SLC14A2: variants seen among roughly 807,000 people sequenced by gnomAD.
SLC14A2 encodes the protein urea transporter 2.
In SLC14A2, 91 loss-of-function variants were observed where a neutral mutation model predicts 104.6. The ratio of observed to expected loss-of-function variants is 0.87; its 90% CI spans 0.73 to 1.04. SLC14A2 has a LOEUF of 1.04. SLC14A2 is among the 50% of genes least tolerant of loss of function. The probability of loss-of-function intolerance (pLI) is 0.00; values close to 1 mark genes in which losing one functional copy is unlikely to be tolerated. For synonymous variants in SLC14A2, 476 were observed against 466.4 expected, an observed-to-expected ratio of 1.02 and a Z score of -0.27; for missense variants, 1,189 against 1,156.0, an observed-to-expected ratio of 1.03 and a Z score of -0.41.
At chr18:45,171,116 C>T in the SLC14A2 span, among the ~76,000 whole-genome samples, 1 of 152,138 alleles carries the variant, frequency 6.6e-6, no homozygotes, top group Non-Finnish European at 1.5e-5. Flanking sequence ...AATCAAAATA[C>T]AGGATGCCAC....
At chr18:45,542,621 C>T (rs1318370037) in intron 2 of SLC14A2, among the ~76,000 whole-genome samples, 1 of 152,102 alleles carries the variant, frequency 6.6e-6, no homozygotes, top group African/African-American at 2.4e-5. Flanking sequence ...CACTGACTTC[C>T]ATTACTAAGT....
intron 2 of SLC14A2, 140 bp from the exon 3 acceptor site, chr18:45,625,543 G>A (rs2045243841): frequency 8.5e-6 from 5 of 587,558 alleles, no homozygotes; most frequent in African/African-American, 5.9e-5. Context: ...CTATGCAGCC[G>A]CAGACAATGG....
At chr18:45,275,209 A>G (rs1344907310) in intron 1 of SLC14A2, among the ~76,000 whole-genome samples, 1 of 152,252 alleles carries the variant, frequency 6.6e-6, no homozygotes, top group Non-Finnish European at 1.5e-5. Context: ...ATGAAAAAGT[A>G]TGTGCAAAGA....
At chr18:45,289,961 A>T (rs1440402577) in intron 1 of SLC14A2, among the ~76,000 whole-genome samples, 1 of 152,190 alleles carries the variant, frequency 6.6e-6, no homozygotes, top group Non-Finnish European at 1.5e-5. Flanking sequence ...TCCCTCAATG[A>T]CAAAATGGAC....
chr18:45,207,397 G>A, the SLC14A2 span, among the ~76,000 whole-genome samples: 1 of 142,804 alleles, frequency 7.0e-6, no homozygotes. Context: ...AGGGAGGGGG[G>A]AGGAAAAGAG....
intron 1 of SLC14A2, among the ~76,000 whole-genome samples, chr18:45,219,000 G>C (rs2084037195): frequency 6.6e-6 from 1 of 151,902 alleles, no homozygotes; most frequent in South Asian, 2.1e-4. Context: ...GAAATATGCT[G>C]GATTAAAACA....
At chr18:45,208,432 C>A (rs556814365), upstream of SLC14A2, among the ~76,000 whole-genome samples, 1 of 152,088 alleles carries the variant, frequency 6.6e-6, no homozygotes, top group South Asian at 2.1e-4. Flanking sequence ...TATGAGTTAA[C>A]GCAGGTGGCC....
chr18:45,193,658 C>A, the SLC14A2 span, among the ~76,000 whole-genome samples: 94 of 152,222 alleles, frequency 6.2e-4, no homozygotes, highest in Middle Eastern at 3.4e-3. Flanking sequence ...AGCCATCTAC[C>A]TTTATTCTTC....
chr18:45,289,006 T>G lies in SLC14A2; in HGVS notation c.-125+75815T>G, dbSNP rs369461679. ...CCCAGGATATCATTGCCTGAGCAGA[T>G]GCTGGGAACCTTCAAGAGTAATCCC... On this transcript the variant is annotated intron_variant, in intron 1 of 20. Coordinates refer to the SLC14A2 transcript ENST00000586448. 7.2e-4 allele frequency among the ~76,000 whole-genome samples: 109 copies of G among 152,330 alleles called. 2 individuals carry two copies. The South Asian group carries it at 0.022, about 31-fold the overall frequency.
chr18:45,279,968 C>T (rs1014169445), intron 1 of SLC14A2, among the ~76,000 whole-genome samples: 4 of 152,270 alleles, frequency 2.6e-5, no homozygotes, highest in East Asian at 1.9e-4. Context: ...TCTACTCACT[C>T]GGTGCCAGAA....
chr18:45,286,601 T>C (rs2084816726), intron 1 of SLC14A2, among the ~76,000 whole-genome samples: 1 of 152,190 alleles, frequency 6.6e-6, no homozygotes, highest in South Asian at 2.1e-4. Flanking sequence ...TACTTCTACC[T>C]CTAAGAAGCT....
At chr18:45,443,949 A>G (rs144511246) in intron 1 of SLC14A2, among the ~76,000 whole-genome samples, 33 of 152,284 alleles carry the variant, frequency 2.2e-4, no homozygotes, top group African/African-American at 7.9e-4. Flanking sequence ...AGGGAGAGAA[A>G]ACAGGTGCAA....
intron 1 of SLC14A2, among the ~76,000 whole-genome samples, chr18:45,426,631 C>A (rs2086433459): frequency 6.9e-6 from 1 of 143,934 alleles, no homozygotes; most frequent in African/African-American, 2.6e-5. Flanking sequence ...CATATATATA[C>A]TATATATCTA....
intron 1 of SLC14A2, among the ~76,000 whole-genome samples, chr18:45,411,240 C>T (rs2144490948): frequency 6.6e-6 from 1 of 152,324 alleles, no homozygotes; most frequent in African/African-American, 2.4e-5. Context: ...ATGGACTACA[C>T]AGGAGCTTAA....
At chr18:45,639,473 G>A (rs1362166556) in intron 6 of SLC14A2, among the ~76,000 whole-genome samples, 1 of 152,174 alleles carries the variant, frequency 6.6e-6, no homozygotes, top group Non-Finnish European at 1.5e-5. Flanking sequence ...TCCCCTCAAA[G>A]CAGAAGCCGT....
intron 1 of SLC14A2, among the ~76,000 whole-genome samples, chr18:45,415,130 T>G (rs1371968487): frequency 6.6e-6 from 1 of 152,136 alleles, no homozygotes; most frequent in Non-Finnish European, 1.5e-5. Context: ...GAGCCAGGTA[T>G]GTAGCTACCA....
intron 2 of SLC14A2, among the ~76,000 whole-genome samples, chr18:45,518,100 A>G (rs918571593): frequency 2.0e-5 from 3 of 152,222 alleles, no homozygotes; most frequent in Non-Finnish European, 2.9e-5. Flanking sequence ...GGAATGGAAT[A>G]GGATATATAT....
At chr18:45,389,318 A>G (rs2085935085) in intron 1 of SLC14A2, among the ~76,000 whole-genome samples, 1 of 152,216 alleles carries the variant, frequency 6.6e-6, no homozygotes, top group South Asian at 2.1e-4. Flanking sequence ...TATCTCATAA[A>G]TATGGACTAC....
At chr18:45,508,903 T>C (rs1244618383) in intron 2 of SLC14A2, among the ~76,000 whole-genome samples, 1 of 152,242 alleles carries the variant, frequency 6.6e-6, no homozygotes, top group Non-Finnish European at 1.5e-5. Context: ...TTACAAATTA[T>C]CAAGATATTG....
Sources: gnomAD v4.1 joint callset for allele counts (sites outside exome capture counted in the v4.1 genomes callset) on GRCh38, gnomAD v4.1.1 for gene constraint, MANE v1.5 for transcripts, NCBI Gene and HGNC (gene_info 2026-07-23, HGNC 2026-07-21) for gene names.